Variants in TAF4 observed in about 807,000 individuals in gnomAD.
TAF4 encodes TATA-box binding protein associated factor 4.
Under a neutral mutation model 90.3 loss-of-function variants are expected in TAF4, and 9 were observed. That is an observed-to-expected ratio of 0.10 (90% CI 0.06 to 0.17). TAF4 has a LOEUF of 0.17. TAF4 is among the 10% of genes least tolerant of loss of function. TAF4 has a pLI of 1.00. For synonymous variants in TAF4, 818 were observed against 638.9 expected (o/e 1.28, Z -4.23); for missense variants, 1,351 against 1,370.7 (o/e 0.99, Z 0.23).
intron 1 of TAF4, among the ~76,000 whole-genome samples, chr20:62,026,573 C>A (rs2055875657): frequency 6.6e-6 from 1 of 152,196 alleles, no homozygotes. Context: ...GGAGCTGGCT[C>A]CAGCCCCCAT....
In TAF4 at chr20:61,998,129, G is replaced by C. The variant is rs2055675274; in HGVS notation, c.2970+7C>G. ...GCCCACGAGCACTCACGACTAACAG[G>C]GCTCACCTCCTTTGCCTTCTGTTTC... On this transcript the variant is annotated splice_region_variant and intron_variant, in intron 13 of 14. Transcript: ENST00000252996. 1.9e-6 allele frequency: 3 copies of C among 1,613,838 alleles called. No individual in the cohort carries two copies. Among genetic ancestry groups the C allele is most frequent in the Non-Finnish European group, 2.5e-6 (3 of 1,179,932 alleles).
At chr20:62,055,140 T>C (rs917371016) in intron 1 of TAF4, among the ~76,000 whole-genome samples, 2 of 151,278 alleles carry the variant, frequency 1.3e-5, no homozygotes, top group African/African-American at 4.8e-5. Context: ...CAATTCACAC[T>C]GCCTGCGGGC....
intron 3 of TAF4, 118 bp downstream of exon 3, chr20:62,012,697 T>G: frequency 7.6e-7 from 1 of 1,315,138 alleles, no homozygotes; most frequent in Admixed American, 2.9e-5. Flanking sequence ...CCTCCCCAGA[T>G]TTGACGTAGT....
intron 1 of TAF4, among the ~76,000 whole-genome samples, chr20:62,030,030 G>A (rs2145492400): frequency 6.6e-6 from 1 of 152,336 alleles, no homozygotes; most frequent in East Asian, 1.9e-4. Context: ...TGCCCATGTG[G>A]GTGTCAGGAG....
At chr20:61,988,836 C>CG (rs2055612922) in intron 14 of TAF4, among the ~76,000 whole-genome samples, 1 of 152,170 alleles carries the variant, frequency 6.6e-6, no homozygotes, top group African/African-American at 2.4e-5. Context: ...CCCCACACCC[C>CG]GGCCCTTCTC....
intron 1 of TAF4, among the ~76,000 whole-genome samples, chr20:62,062,047 T>C (rs1455116006): frequency 6.6e-6 from 1 of 152,128 alleles, no homozygotes; most frequent in East Asian, 1.9e-4. Context: ...TCACACCCCA[T>C]CCAATTGCCA....
At chr20:62,064,409 G>A in intron 1 of TAF4, 42 bp downstream of exon 1, 1 of 1,281,196 alleles carries the variant, frequency 7.8e-7, no homozygotes, top group Non-Finnish European at 9.9e-7. Flanking sequence ...AGCTGGCGCT[G>A]CTGGGAGCCG....
chr20:61,998,046 G>A (rs1158333723), intron 13 of TAF4, 90 bp downstream of exon 13: 10 of 1,256,850 alleles, frequency 8.0e-6, no homozygotes, highest in Non-Finnish European at 1.0e-5. Flanking sequence ...CTATCGTACA[G>A]AAGTGCCACG....
chr20:62,003,596 G>T (rs1282957527), intron 8 of TAF4, 135 bp downstream of exon 8: 2 of 973,604 alleles, frequency 2.1e-6, no homozygotes, highest in Non-Finnish European at 2.9e-6. Flanking sequence ...TGAAATCAGT[G>T]CCACTGAACT....
At chr20:61,984,083 C>A (rs1435675222) in intron 14 of TAF4, among the ~76,000 whole-genome samples, 1 of 152,198 alleles carries the variant, frequency 6.6e-6, no homozygotes, top group Non-Finnish European at 1.5e-5. Flanking sequence ...GAACAGCATG[C>A]CTGCCGCAGA....
intron 1 of TAF4, among the ~76,000 whole-genome samples, chr20:62,046,532 G>A (rs1280394825): frequency 1.3e-5 from 2 of 152,220 alleles, no homozygotes. Flanking sequence ...GTCGTGATCC[G>A]CTCCTGCGTG....
intron 1 of TAF4, among the ~76,000 whole-genome samples, chr20:62,034,701 T>TCTTACAC (rs2055922540): frequency 6.6e-6 from 1 of 152,146 alleles, no homozygotes; most frequent in Non-Finnish European, 1.5e-5. Flanking sequence ...GCCCTACACA[T>TCTTACAC]ATCTAACAAA....
chr20:62,024,871 CA>C (rs75409638), intron 1 of TAF4, among the ~76,000 whole-genome samples: 159 of 136,638 alleles, frequency 1.2e-3, no homozygotes, highest in Middle Eastern at 3.8e-3. Context: ...CTCCGCGTCT[CA>C]AAAAAAAAAA....
chr20:62,050,671 G>A lies in TAF4; in HGVS notation c.1360+13780C>T, dbSNP rs183036420. Among the ~76,000 whole-genome samples, 5 of 152,320 alleles carry A rather than the reference G, an allele frequency of 3.3e-5. No individual in the cohort carries two copies. In the East Asian group the frequency reaches 5.8e-4, roughly 18 times the overall value. Reference sequence around the variant, plus strand: ...AGCCACAGGGCTCCGGAACAGCAGAGGCCCGCCCGGGAGGGCACACCCCTG... The same window carrying A: ...AGCCACAGGGCTCCGGAACAGCAGAAGCCCGCCCGGGAGGGCACACCCCTG... On this transcript the variant is annotated intron_variant, in intron 1 of 14. Transcript: ENST00000252996.
At chr20:62,040,573 G>A (rs2145502192) in intron 1 of TAF4, among the ~76,000 whole-genome samples, 1 of 152,372 alleles carries the variant, frequency 6.6e-6, no homozygotes, top group South Asian at 2.1e-4. Context: ...CCTACAGGCT[G>A]AGAAAGGTGC....
chr20:61,990,809 C>T (rs1003336551), intron 14 of TAF4, among the ~76,000 whole-genome samples: 6 of 152,286 alleles, frequency 3.9e-5, no homozygotes, highest in Middle Eastern at 3.4e-3. Context: ...GAGCCACAGA[C>T]GCTGAGGACT....
At chr20:62,043,276 G>A (rs1886557987) in intron 1 of TAF4, among the ~76,000 whole-genome samples, 1 of 152,116 alleles carries the variant, frequency 6.6e-6, no homozygotes, top group Non-Finnish European at 1.5e-5. Context: ...CCATGATTGC[G>A]TCACTGCACT....
intron 1 of TAF4, among the ~76,000 whole-genome samples, chr20:62,062,260 T>C (rs766524705): frequency 2.0e-5 from 3 of 152,246 alleles, no homozygotes; most frequent in Non-Finnish European, 2.9e-5. Flanking sequence ...CGGAACCAAC[T>C]AGAACAATTT....
At position 61,990,197 on chromosome 20, in the gene TAF4, A is replaced by G. The variant is rs1230434174; in HGVS notation, c.3090+7353T>C. Reference sequence around the variant, plus strand: ...TCAGAACAAGGATTAAAGTGTACATATTGAAAAAGTACAGGAGTGCACGCA... The same window carrying G: ...TCAGAACAAGGATTAAAGTGTACATGTTGAAAAAGTACAGGAGTGCACGCA... On this transcript the variant is annotated intron_variant, in intron 14 of 14. Coordinates refer to ENST00000252996, the MANE Select transcript of TAF4 (RefSeq NM_003185.4). Among the ~76,000 whole-genome samples, 3 of 152,140 alleles carry G rather than the reference A, an allele frequency of 2.0e-5. No individual in the cohort carries two copies. The East Asian group carries it at 5.8e-4, about 29-fold the overall frequency.
Sources: allele counts gnomAD v4.1 joint callset (sites outside exome capture counted in the v4.1 genomes callset), GRCh38; gene constraint gnomAD v4.1.1; transcripts MANE v1.5; gene names NCBI Gene and HGNC (gene_info 2026-07-23, HGNC 2026-07-21).